The following NTM variants were observed in gnomAD, a reference collection of about 807,000 sequenced individuals.
NTM encodes IgLON family member 2.
In NTM, 13 loss-of-function variants were observed where a neutral mutation model predicts 42.1. That is an observed-to-expected ratio of 0.31 (90% confidence interval 0.20 to 0.49). The LOEUF is 0.49. NTM is among the 20% of genes least tolerant of loss of function. The pLI, the probability that NTM is intolerant of heterozygous loss-of-function variation, is 0.99. For synonymous variants in NTM, 187 were observed against 179.2 expected (o/e 1.04, Z -0.35); for missense variants, 373 against 452.8 (o/e 0.82, Z 1.60).
intron 1 of NTM, among the ~76,000 whole-genome samples, chr11:131,903,854 A>T (rs923688924): frequency 6.6e-6 from 1 of 152,188 alleles, no homozygotes; most frequent in Non-Finnish European, 1.5e-5. Flanking sequence ...GTACTCTGAA[A>T]TTGTTCCTTT....
chr11:131,827,304 T>C (rs1181419437), intron 1 of NTM, among the ~76,000 whole-genome samples: 1 of 152,112 alleles, frequency 6.6e-6, no homozygotes, highest in Non-Finnish European at 1.5e-5. Flanking sequence ...CAGTGTGAGA[T>C]TTTTAAGAAT....
At chr11:131,482,248 T>A (rs1274700789) in intron 1 of NTM, among the ~76,000 whole-genome samples, 3 of 152,144 alleles carry the variant, frequency 2.0e-5, no homozygotes, top group African/African-American at 7.2e-5. Flanking sequence ...CCCCAGACAA[T>A]GTGTTCTGCA....
Position 132,335,233 on chromosome 11 carries a change from C to A in NTM, c.*87C>A. 7.3e-7 allele frequency: 1 copy of A among 1,373,912 alleles called. No individual in the cohort carries two copies. Among genetic ancestry groups the A allele is most frequent in the Non-Finnish European group, 1.0e-6 (1 of 997,290 alleles). The allele number at this position is 1,373,912 out of a possible 1,614,324, so 85.1% of individuals were successfully genotyped here. On this transcript the variant is annotated 3_prime_UTR_variant, in exon 9 of 9. Transcript: ENST00000683400. ...AATGGCAACACCGACAGCAACCAAT[C>A]AGATATATACAAATGAAATTAGAAG...
rs1302268208 is a variant in NTM at position 131,789,463 on chromosome 11, G to GA, written c.83-122099dup. ...AGAAGAAGAAGAAGAAGAAGAAGAAGAAGAAGAAGAAGAAGAAGAAGAAGA... is the reference window on the plus strand; with the variant it reads ...AGAAGAAGAAGAAGAAGAAGAAGAAGAAAGAAGAAGAAGAAGAAGAAGAAGA... On this transcript the variant is annotated intron_variant, in intron 1 of 8. Coordinates refer to ENST00000683400, the MANE Select transcript of NTM (RefSeq NM_001352005.2). Among the ~76,000 whole-genome samples, 8 of 13,456 alleles carry GA rather than the reference G, an allele frequency of 5.9e-4. 2 individuals are homozygous for GA. The highest frequency in any genetic ancestry group is 1.0e-3 in the Non-Finnish European group (7 of 6,846). The allele number at this position is 13,456 out of a possible 152,430, so 8.8% of individuals were successfully genotyped here. A position where few individuals can be genotyped will look rare whatever the true frequency, so the allele number is the denominator to read the frequency against.
chr11:131,590,325 G>A (rs1251627456), intron 1 of NTM, among the ~76,000 whole-genome samples: 1 of 152,232 alleles, frequency 6.6e-6, no homozygotes, highest in African/African-American at 2.4e-5. Context: ...CCAGAAGTGA[G>A]TGGGTTTGCC....
intron 2 of NTM, among the ~76,000 whole-genome samples, chr11:132,060,227 A>C (rs1172357068): frequency 6.6e-6 from 1 of 152,210 alleles, no homozygotes; most frequent in Non-Finnish European, 1.5e-5. Context: ...TTCGTTCTAG[A>C]TTCTTTCAAC....
At chr11:131,905,985 T>C (rs568846611) in intron 1 of NTM, among the ~76,000 whole-genome samples, 1 of 152,312 alleles carries the variant, frequency 6.6e-6, no homozygotes, top group South Asian at 2.1e-4. Flanking sequence ...CAAGGGCCTA[T>C]AGGGGAGTGC....
At chr11:131,497,171 C>A (rs1400933496) in intron 1 of NTM, among the ~76,000 whole-genome samples, 1 of 152,108 alleles carries the variant, frequency 6.6e-6, no homozygotes, top group Non-Finnish European at 1.5e-5. Context: ...AAGTTTGCAC[C>A]ATAGATTACT....
In NTM at chr11:131,867,112, A is replaced by G. The variant is rs564996024; in HGVS notation, c.83-44452A>G. ...CCAAAAGTAAATTAGCCAGGAAATTAGCTTTTCAGGTGTCCAACTGTGTGT... is the reference window on the plus strand; with the variant it reads ...CCAAAAGTAAATTAGCCAGGAAATTGGCTTTTCAGGTGTCCAACTGTGTGT... On this transcript the variant is annotated intron_variant, in intron 1 of 8. Transcript: ENST00000683400. Among the ~76,000 whole-genome samples, 7 of 152,332 alleles carry G rather than the reference A, an allele frequency of 4.6e-5. No homozygotes were observed. The East Asian group carries it at 1.4e-3, about 29-fold the overall frequency.
chr11:131,781,620 C>T lies in NTM; in HGVS notation c.83-129944C>T, dbSNP rs371271608. 7.9e-5 allele frequency among the ~76,000 whole-genome samples: 12 copies of T among 152,238 alleles called. 2 individuals are homozygous for T. The highest frequency in any genetic ancestry group is 2.9e-4 in the African/African-American group (12 of 41,550). ...CATCAAAAGGCCAATAGTGAGGTTT[C>T]CAGAATTTTGCTTCTGGCAATGAGA... On this transcript the variant is annotated intron_variant, in intron 1 of 8. Transcript: ENST00000683400.
chr11:131,570,573 C>A lies in NTM; in HGVS notation c.82+199685C>A, dbSNP rs948891584. ...GGCGCGGTGGCTCACGCCTGTAATC[C>A]CAGCACTTTGGGAGTCTGACGTGGG... On this transcript the variant is annotated intron_variant, in intron 1 of 8. Coordinates refer to ENST00000683400, the MANE Select transcript of NTM (RefSeq NM_001352005.2). Among the ~76,000 whole-genome samples, 31 of 152,240 alleles carry A rather than the reference C, an allele frequency of 2.0e-4. No homozygotes were observed. The East Asian group carries it at 5.2e-3, about 26-fold the overall frequency.
At chr11:131,851,102 C>A (rs1181123716) in intron 1 of NTM, among the ~76,000 whole-genome samples, 1 of 152,132 alleles carries the variant, frequency 6.6e-6, no homozygotes, top group Admixed American at 6.5e-5. Flanking sequence ...TCATGGTCAG[C>A]TAGCTCTTCA....
intron 3 of NTM, among the ~76,000 whole-genome samples, chr11:132,160,417 A>C (rs1327320221): frequency 6.6e-6 from 1 of 152,196 alleles, no homozygotes; most frequent in Non-Finnish European, 1.5e-5. Context: ...CTCTCCTACC[A>C]ACACATGAAA....
intron 1 of NTM, among the ~76,000 whole-genome samples, chr11:131,482,940 GAGA>G (rs1378816139): frequency 2.0e-5 from 3 of 152,210 alleles, no homozygotes; most frequent in Admixed American, 6.5e-5. Context: ...TTGTATGTGA[GAGA>G]AGAAGCACAC....
In NTM at chr11:132,336,064, C is replaced by G. The variant is rs753343394; in HGVS notation, c.*918C>G. Reference sequence around the variant, plus strand: ...CGGACTCCTCCCAATTCTGACATCTCTTGCAGACAATACTATGCTCTCTAC... The same window carrying G: ...CGGACTCCTCCCAATTCTGACATCTGTTGCAGACAATACTATGCTCTCTAC... On this transcript the variant is annotated 3_prime_UTR_variant, in exon 9 of 9. Transcript: ENST00000683400. 3.9e-5 allele frequency: 6 copies of G among 152,632 alleles called. No individual in the cohort carries two copies. Among genetic ancestry groups the G allele is most frequent in the Non-Finnish European group, 8.8e-5 (6 of 68,042 alleles). The allele number at this position is 152,632 out of a possible 1,614,324, so 9.5% of individuals were successfully genotyped here.
intron 2 of NTM, among the ~76,000 whole-genome samples, chr11:131,983,268 GAC>G (rs145569444): frequency 1.2e-3 from 179 of 151,886 alleles, no homozygotes; most frequent in Non-Finnish European, 2.5e-3. Flanking sequence ...GAGTTGGGGA[GAC>G]ACAGGGTTGA....
rs142621197 is a variant in NTM at position 132,265,224 on chromosome 11, G to A, written c.527-42465G>A. Among the ~76,000 whole-genome samples, 828 of 152,156 alleles carry A rather than the reference G, an allele frequency of 5.4e-3. 10 individuals carry two copies. The highest frequency in any genetic ancestry group is 0.019 in the African/African-American group (804 of 41,498). On this transcript the variant is annotated intron_variant, in intron 4 of 8. Transcript: ENST00000683400. Reference sequence around the variant, plus strand: ...AATGAAATGGGATTACCCATCTCAAGCATTTTAAACATAAAAATGCTCAAA... The same window carrying A: ...AATGAAATGGGATTACCCATCTCAAACATTTTAAACATAAAAATGCTCAAA...
intron 1 of NTM, among the ~76,000 whole-genome samples, chr11:131,667,920 G>A (rs1050701571): frequency 6.6e-6 from 1 of 152,166 alleles, no homozygotes; most frequent in Non-Finnish European, 1.5e-5. Context: ...TTGATTAGTT[G>A]AACTCCAAGG....
intron 2 of NTM, among the ~76,000 whole-genome samples, chr11:131,929,326 G>C (rs369264363): frequency 6.6e-6 from 1 of 152,156 alleles, no homozygotes. Flanking sequence ...GAACCAACGG[G>C]GGGGCACATG....
Sources: gnomAD v4.1 joint callset for allele counts (sites outside exome capture counted in the v4.1 genomes callset) on GRCh38, gnomAD v4.1.1 for gene constraint, MANE v1.5 for transcripts, NCBI Gene and HGNC (gene_info 2026-07-23, HGNC 2026-07-21) for gene names.